CAPN8: variants seen among roughly 807,000 people sequenced by gnomAD.
CAPN8 encodes the protein calpain 8, also known as calpain-8.
CAPN8 carries 87 observed loss-of-function variants against 80.9 expected under a neutral mutation model. That is an observed-to-expected ratio of 1.07 (90% CI 0.90 to 1.28). The LOEUF is 1.28. CAPN8 is among the 50% of genes most tolerant of loss of function. The probability of loss-of-function intolerance (pLI) is 0.00; values close to 1 mark genes in which losing one functional copy is unlikely to be tolerated. For missense variants in CAPN8, 757 were observed against 702.0 expected (o/e 1.08, Z -0.89); for synonymous variants, 299 against 273.8 (o/e 1.09, Z -0.91).
chr1:223,621,882 A>G (rs1572237110), intron 7 of CAPN8, among the ~76,000 whole-genome samples: 1 of 150,564 alleles, frequency 6.6e-6, no homozygotes, highest in African/African-American at 2.4e-5. Context: ...TTTTAAATGG[A>G]GTCTTGCTCT....
intron 2 of CAPN8, among the ~76,000 whole-genome samples, chr1:223,650,350 G>T (rs1010057279): frequency 1.3e-5 from 2 of 152,128 alleles, no homozygotes; most frequent in African/African-American, 4.8e-5. Flanking sequence ...TTTTAGAGGA[G>T]GTTCCCAGTC....
rs953084186 is a variant in CAPN8 at position 223,544,864 on chromosome 1, G to T, written c.1834-14C>A. Reference sequence around the variant, plus strand: ...CCAATAGATCTCCTAAAGCAGGAAAGAAATCCCAAGTAGAAAACAACCATT... The same window carrying T: ...CCAATAGATCTCCTAAAGCAGGAAATAAATCCCAAGTAGAAAACAACCATT... On this transcript the variant is annotated splice_polypyrimidine_tract_variant and intron_variant, in intron 17 of 20. Transcript: ENST00000366872. The T allele has an allele frequency of 1.3e-6, 2 of 1,551,450 alleles. No individual in the cohort carries two copies. The highest frequency in any genetic ancestry group is 2.4e-5 in the East Asian group (1 of 40,928).
At position 223,629,222 on chromosome 1, in the gene CAPN8, GTGTGTGTGTT is replaced by G. The variant is rs1352093365; in HGVS notation, c.308-452_308-443del. On this transcript the variant is annotated intron_variant, in intron 2 of 20. Coordinates refer to ENST00000366872, the MANE Select transcript of CAPN8 (RefSeq NM_001143962.2). ...AGTGTGTGTGTGTGTGTGTGTGTGTGTGTGTGTGTTTATGTTCCTTGCCCCTCCTGACCTT... is the reference window on the plus strand; with the variant it reads ...AGTGTGTGTGTGTGTGTGTGTGTGTGTATGTTCCTTGCCCCTCCTGACCTT... Among the ~76,000 whole-genome samples, 18 of 150,628 alleles carry G rather than the reference GTGTGTGTGTT, an allele frequency of 1.2e-4. No individual in the cohort carries two copies. In the South Asian group the frequency reaches 3.2e-3, roughly 27 times the overall value.
At chr1:223,649,703 C>T (rs1217839221) in intron 2 of CAPN8, among the ~76,000 whole-genome samples, 2 of 152,128 alleles carry the variant, frequency 1.3e-5, no homozygotes, top group African/African-American at 4.8e-5. Context: ...ATGAAAAATA[C>T]AAAAAGGCTT....
chr1:223,643,055 G>A (rs995294263), intron 2 of CAPN8, among the ~76,000 whole-genome samples: 2 of 152,214 alleles, frequency 1.3e-5, no homozygotes, highest in South Asian at 2.1e-4. Flanking sequence ...AAGGGAAAGC[G>A]GCTTGCTTAC....
At chr1:223,625,984 G>T in intron 5 of CAPN8, 96 bp from the exon 6 acceptor site, 2 of 953,796 alleles carry the variant, frequency 2.1e-6, no homozygotes, top group Non-Finnish European at 3.3e-6. Context: ...AGCCACTGGG[G>T]GCTTCAGTGT....
At chr1:223,645,117 G>A (rs1347212491) in intron 2 of CAPN8, among the ~76,000 whole-genome samples, 6 of 152,162 alleles carry the variant, frequency 3.9e-5, no homozygotes, top group Non-Finnish European at 8.8e-5. Context: ...GGCAAACCAC[G>A]GGTGTAAGTC....
intron 13 of CAPN8, among the ~76,000 whole-genome samples, chr1:223,554,519 C>T (rs1276530498): frequency 6.6e-6 from 1 of 152,044 alleles, no homozygotes; most frequent in Admixed American, 6.6e-5. Context: ...ACTTCAGAGG[C>T]TGAGGCCACA....
At chr1:223,638,961 C>T (rs1038533247) in intron 2 of CAPN8, among the ~76,000 whole-genome samples, 2 of 152,218 alleles carry the variant, frequency 1.3e-5, no homozygotes, top group Non-Finnish European at 1.5e-5. Context: ...TTAATCTGGC[C>T]AGGTGAGGTG....
At chr1:223,649,432 C>T (rs1658279384) in intron 2 of CAPN8, among the ~76,000 whole-genome samples, 1 of 152,168 alleles carries the variant, frequency 6.6e-6, no homozygotes, top group Non-Finnish European at 1.5e-5. Flanking sequence ...CCACAGCCAC[C>T]AGCAGGGGCT....
chr1:223,555,703 T>C (rs1656889104), intron 13 of CAPN8, among the ~76,000 whole-genome samples: 2 of 152,066 alleles, frequency 1.3e-5, no homozygotes, highest in African/African-American at 4.8e-5. Context: ...AACAAAACAG[T>C]ATATGGATAT....
chr1:223,665,368 C>T, intron 1 of CAPN8, 42 bp downstream of exon 1: 1 of 1,500,658 alleles, frequency 6.7e-7, no homozygotes, highest in Non-Finnish European at 9.1e-7. Flanking sequence ...TGTAAGGCCC[C>T]TCCACCTTGT....
At chr1:223,635,580 T>C (rs1366319150) in intron 2 of CAPN8, among the ~76,000 whole-genome samples, 1 of 151,932 alleles carries the variant, frequency 6.6e-6, no homozygotes, top group Non-Finnish European at 1.5e-5. Flanking sequence ...AGTGTAATTG[T>C]ATCAAAGGTT....
At chr1:223,612,139 G>T in intron 11 of CAPN8, 107 bp downstream of exon 11, 1 of 981,926 alleles carries the variant, frequency 1.0e-6, no homozygotes, top group Non-Finnish European at 1.3e-6. Flanking sequence ...GAGAGCTGTG[G>T]AACAACCAGC....
chr1:223,615,734 G>A, intron 10 of CAPN8: 3 of 645,872 alleles, frequency 4.6e-6, no homozygotes, highest in South Asian at 3.0e-5. Context: ...GACAGGCAAA[G>A]GTTAATGTAT....
rs1031310050 is a variant in CAPN8 at position 223,627,925 on chromosome 1, G to A, written c.560+84C>T. On this transcript the variant is annotated intron_variant, in intron 4 of 20. Coordinates refer to ENST00000366872, the MANE Select transcript of CAPN8 (RefSeq NM_001143962.2). ...AGACGCCATGACGCCCTGAGTTTGG[G>A]GTGGGGAGGCAGACGTGGGAGGGAC... 19 of 1,423,778 alleles carry A rather than the reference G, an allele frequency of 1.3e-5. No homozygotes were observed. The African/African-American group carries it at 2.2e-4, about 16-fold the overall frequency. The allele number at this position is 1,423,778 out of a possible 1,614,324, so 88.2% of individuals were successfully genotyped here. A position where few individuals can be genotyped will look rare whatever the true frequency, so the allele number is the denominator to read the frequency against.
At chr1:223,618,338 C>T (rs1406148942) in intron 9 of CAPN8, 5 of 1,548,508 alleles carry the variant, frequency 3.2e-6, no homozygotes, top group Non-Finnish European at 4.4e-6. Context: ...CCACCTTGCA[C>T]CAGGTGAGGA....
intron 10 of CAPN8, among the ~76,000 whole-genome samples, chr1:223,613,725 A>G (rs971937515): frequency 5.5e-4 from 84 of 152,326 alleles, no homozygotes; most frequent in African/African-American, 2.0e-3. Flanking sequence ...CTTTGGAGGC[A>G]CCTGGCTGCT....
At chr1:223,610,223 G>A (rs1656997214) in intron 11 of CAPN8, among the ~76,000 whole-genome samples, 1 of 152,218 alleles carries the variant, frequency 6.6e-6, no homozygotes, top group African/African-American at 2.4e-5. Flanking sequence ...GAGCTGAAAT[G>A]TCCACCCCAG....
Sources: gnomAD v4.1 joint callset for allele counts (sites outside exome capture counted in the v4.1 genomes callset) on GRCh38, gnomAD v4.1.1 for gene constraint, MANE v1.5 for transcripts, NCBI Gene and HGNC (gene_info 2026-07-23, HGNC 2026-07-21) for gene names.